KIAA0825: variants seen among roughly 807,000 people sequenced by gnomAD.
The protein encoded by KIAA0825 is KIAA0825, also known as uncharacterized protein KIAA0825.
In KIAA0825, 119 loss-of-function variants were observed where a neutral mutation model predicts 147.6. The observed-to-expected ratio is 0.81, with a 90% CI of 0.69 to 0.94. The LOEUF (loss-of-function observed/expected upper bound fraction) is 0.94, where lower values mean the gene tolerates loss of function less well. Ranked by LOEUF, KIAA0825 falls within the 40% of genes least tolerant of loss-of-function variation. KIAA0825 has a pLI of 0.00. For synonymous variants in KIAA0825, 470 were observed against 518.1 expected (o/e 0.91, Z 1.26); for missense variants, 1,381 against 1,472.7 (o/e 0.94, Z 1.02).
intron 2 of KIAA0825, among the ~76,000 whole-genome samples, chr5:94,564,019 T>C (rs892260869): frequency 4.6e-5 from 7 of 152,008 alleles, no homozygotes; most frequent in African/African-American, 1.7e-4. Flanking sequence ...CCTGAATTCC[T>C]CCTAAAGTTA....
At chr5:94,387,636 A>C (rs1224363110) in intron 18 of KIAA0825, among the ~76,000 whole-genome samples, 1 of 151,998 alleles carries the variant, frequency 6.6e-6, no homozygotes, top group Non-Finnish European at 1.5e-5. Flanking sequence ...TGGAGGTTAC[A>C]GTAAGCTGAG....
chr5:94,366,754 T>G (rs1271106153), intron 20 of KIAA0825, among the ~76,000 whole-genome samples: 1 of 152,168 alleles, frequency 6.6e-6, no homozygotes, highest in Non-Finnish European at 1.5e-5. Flanking sequence ...GGACATAAAT[T>G]TAATTTATTT....
intron 13 of KIAA0825, among the ~76,000 whole-genome samples, chr5:94,442,125 AATG>A (rs1438339030): frequency 6.6e-6 from 1 of 152,210 alleles, no homozygotes; most frequent in Non-Finnish European, 1.5e-5. Flanking sequence ...ATAGAAAAAA[AATG>A]ATGAGGATGC....
chr5:94,395,342 A>C (rs1750495686), intron 17 of KIAA0825, among the ~76,000 whole-genome samples: 1 of 152,170 alleles, frequency 6.6e-6, no homozygotes, highest in South Asian at 2.1e-4. Flanking sequence ...ATTTTTAAAG[A>C]ATGAGGGACA....
intron 2 of KIAA0825, among the ~76,000 whole-genome samples, chr5:94,540,208 G>C (rs1384316579): frequency 6.6e-6 from 1 of 152,182 alleles, no homozygotes; most frequent in Non-Finnish European, 1.5e-5. Context: ...TGGGAAAAAG[G>C]ACTTGTGAAG....
At chr5:94,438,957 G>C (rs1192001555) in intron 14 of KIAA0825, among the ~76,000 whole-genome samples, 1 of 152,176 alleles carries the variant, frequency 6.6e-6, no homozygotes, top group Non-Finnish European at 1.5e-5. Context: ...TTAGCGTTAA[G>C]ACAGAGCATT....
intron 20 of KIAA0825, among the ~76,000 whole-genome samples, chr5:94,203,908 A>G (rs1419828346): frequency 6.6e-6 from 1 of 152,166 alleles, no homozygotes; most frequent in Non-Finnish European, 1.5e-5. Flanking sequence ...TTCAGCTTCT[A>G]TCATGAAAAT....
chr5:94,200,073 G>T (rs1482893041), intron 20 of KIAA0825, among the ~76,000 whole-genome samples: 2 of 152,102 alleles, frequency 1.3e-5, no homozygotes, highest in Non-Finnish European at 2.9e-5. Context: ...TGAGCCTTGG[G>T]GTTGGGCACC....
intron 10 of KIAA0825, among the ~76,000 whole-genome samples, chr5:94,467,638 TC>T (rs1418657499): frequency 6.6e-6 from 1 of 152,238 alleles, no homozygotes; most frequent in Non-Finnish European, 1.5e-5. Context: ...AAATAATGTA[TC>T]TAGATCTCAC....
At chr5:94,481,153 AG>A (rs1193722733) in intron 6 of KIAA0825, among the ~76,000 whole-genome samples, 2 of 152,150 alleles carry the variant, frequency 1.3e-5, no homozygotes, top group Non-Finnish European at 2.9e-5. Context: ...ATTTGCATGC[AG>A]TCAATACTGG....
chr5:94,578,320 C>T (rs1221901634), intron 2 of KIAA0825, among the ~76,000 whole-genome samples: 3 of 152,136 alleles, frequency 2.0e-5, no homozygotes, highest in Non-Finnish European at 4.4e-5. Flanking sequence ...TGGCTTTAGA[C>T]CTCATTTGAG....
At chr5:94,590,509 T>C (rs1030459839) in intron 1 of KIAA0825, among the ~76,000 whole-genome samples, 4 of 152,102 alleles carry the variant, frequency 2.6e-5, no homozygotes, top group Non-Finnish European at 5.9e-5. Flanking sequence ...ATGAGGAAAA[T>C]GGTTCCATTC....
At chr5:94,322,663 A>G (rs1165296583) in intron 20 of KIAA0825, among the ~76,000 whole-genome samples, 1 of 151,854 alleles carries the variant, frequency 6.6e-6, no homozygotes, top group Non-Finnish European at 1.5e-5. Context: ...CTGGGCCTGG[A>G]GCTCCTATAC....
intron 20 of KIAA0825, among the ~76,000 whole-genome samples, chr5:94,177,740 AAGTG>A (rs1417398276): frequency 1.3e-5 from 2 of 152,096 alleles, no homozygotes; most frequent in Middle Eastern, 6.3e-3. Context: ...CTAAGCTACT[AAGTG>A]AGTAAGTCTT....
chr5:94,190,117 AT>A (rs1770529712), intron 20 of KIAA0825, among the ~76,000 whole-genome samples: 1 of 152,106 alleles, frequency 6.6e-6, no homozygotes, highest in Non-Finnish European at 1.5e-5. Context: ...CAGTTTTTAT[AT>A]TGACTTTGTA....
chr5:94,519,102 T>C, intron 5 of KIAA0825: 3 of 512,102 alleles, frequency 5.9e-6, no homozygotes, highest in Non-Finnish European at 7.5e-6. Context: ...TATTTTGCCA[T>C]AACCGAATTT....
At chr5:94,602,220 G>A (rs569096780) in intron 1 of KIAA0825, among the ~76,000 whole-genome samples, 105 of 152,106 alleles carry the variant, frequency 6.9e-4, no homozygotes, top group African/African-American at 2.3e-3. Context: ...GTGTGGTAGC[G>A]GGCACCTGTA....
intron 20 of KIAA0825, among the ~76,000 whole-genome samples, chr5:94,227,628 G>A (rs1774322162): frequency 6.6e-6 from 1 of 151,718 alleles, no homozygotes; most frequent in South Asian, 2.1e-4. Flanking sequence ...ATACACCATG[G>A]GATACTACGC....
intron 20 of KIAA0825, among the ~76,000 whole-genome samples, chr5:94,372,208 C>A (rs1040767317): frequency 1.5e-4 from 23 of 152,196 alleles, no homozygotes; most frequent in Non-Finnish European, 2.5e-4. Context: ...TGAGTGCCTG[C>A]AGCTTTTCTA....
Sources: gnomAD v4.1 joint callset for allele counts (sites outside exome capture counted in the v4.1 genomes callset) on GRCh38, gnomAD v4.1.1 for gene constraint, MANE v1.5 for transcripts, NCBI Gene and HGNC (gene_info 2026-07-23, HGNC 2026-07-21) for gene names.